The following COL23A1 variants were observed in gnomAD, a reference collection of about 807,000 sequenced individuals.
COL23A1 encodes collagen alpha-1(XXIII) chain.
COL23A1 carries 97 observed loss-of-function variants against 99.3 expected under a neutral mutation model. The observed-to-expected ratio is 0.98, with a 90% CI of 0.83 to 1.16. The LOEUF is 1.16. Ranked by LOEUF, COL23A1 falls within the 50% of genes most tolerant of loss-of-function variation. The probability of loss-of-function intolerance (pLI) is 0.00; values close to 1 mark genes in which losing one functional copy is unlikely to be tolerated. For synonymous variants in COL23A1, 320 were observed against 308.2 expected (o/e 1.04, Z -0.40); for missense variants, 762 against 757.4 (o/e 1.01, Z -0.07).
chr5:178,333,444 G>T (rs1032294877), intron 2 of COL23A1, among the ~76,000 whole-genome samples: 3 of 152,022 alleles, frequency 2.0e-5, no homozygotes, highest in African/African-American at 7.2e-5. Context: ...TGCATGCAGG[G>T]ACCCACAGTT....
intron 2 of COL23A1, among the ~76,000 whole-genome samples, chr5:178,330,830 T>C (rs1177844322): frequency 6.6e-6 from 1 of 152,212 alleles, no homozygotes; most frequent in African/African-American, 2.4e-5. Flanking sequence ...AGGTGGGCTC[T>C]GTGCCTGGGA....
chr5:178,337,081 C>G (rs1356779019), intron 2 of COL23A1, among the ~76,000 whole-genome samples: 1 of 152,204 alleles, frequency 6.6e-6, no homozygotes, highest in Non-Finnish European at 1.5e-5. Flanking sequence ...ATTCGATTTC[C>G]CATGGGAGGG....
chr5:178,532,087 C>G (rs547070892), intron 2 of COL23A1, among the ~76,000 whole-genome samples: 106 of 152,320 alleles, frequency 7.0e-4, no homozygotes, highest in African/African-American at 2.5e-3. Flanking sequence ...CCGACGTGGG[C>G]AGAGCTCACT....
At chr5:178,423,572 C>T (rs72822893) in intron 2 of COL23A1, among the ~76,000 whole-genome samples, 1,768 of 152,236 alleles carry the variant, frequency 0.012, 14 homozygotes, top group Non-Finnish European at 0.016. Flanking sequence ...TCTTCCACCT[C>T]GGATGGGTGG....
intron 3 of COL23A1, among the ~76,000 whole-genome samples, chr5:178,297,326 G>C (rs1418371839): frequency 6.6e-6 from 1 of 152,222 alleles, no homozygotes; most frequent in African/African-American, 2.4e-5. Context: ...TTAGAGACCA[G>C]CTTGGCCAAC....
intron 2 of COL23A1, among the ~76,000 whole-genome samples, chr5:178,344,579 G>T (rs1241022260): frequency 6.6e-6 from 1 of 152,064 alleles, no homozygotes. Context: ...GGAGGCGGAG[G>T]TTGCAGTGAG....
Position 178,238,560 on chromosome 5 carries a change from TG to T in COL23A1, c.*137del. The T allele has an allele frequency of 8.5e-7, 1 of 1,173,590 alleles. No individual in the cohort carries two copies. Among genetic ancestry groups the T allele is most frequent in the Non-Finnish European group, 1.2e-6 (1 of 805,158 alleles). 72.7% of individuals were successfully genotyped at this position (1,173,590 alleles called of 1,614,324 possible). ...CTTCACATGCCGGTGGCTTTGGGGC[TG>T]GGTGGGCATACTCTTGAATGTTAAA... On this transcript the variant is annotated 3_prime_UTR_variant, in exon 29 of 29. Coordinates refer to ENST00000390654, the MANE Select transcript of COL23A1 (RefSeq NM_173465.4).
Position 178,248,256 on chromosome 5 carries a change from T to A in COL23A1, c.1150-2A>T, listed in dbSNP as rs1314948468. On this transcript the variant is annotated splice_acceptor_variant, in intron 19 of 28. Coordinates refer to ENST00000390654, the MANE Select transcript of COL23A1 (RefSeq NM_173465.4). LOFTEE classifies it high-confidence loss of function. ...CTCCCCCTTGAGGCCGTCAGCGCCCTGCAGGACGGCAATGGCCTGTGAGTC... is the reference window on the plus strand; with the variant it reads ...CTCCCCCTTGAGGCCGTCAGCGCCCAGCAGGACGGCAATGGCCTGTGAGTC... The A allele has an allele frequency of 4.3e-6, 7 of 1,610,800 alleles. No homozygotes were observed. The highest frequency in any genetic ancestry group is 5.9e-6 in the Non-Finnish European group (7 of 1,177,532).
intron 2 of COL23A1, among the ~76,000 whole-genome samples, chr5:178,386,960 C>A (rs541693449): frequency 2.0e-5 from 3 of 152,090 alleles, no homozygotes; most frequent in Non-Finnish European, 4.4e-5. Flanking sequence ...CAATATTGCA[C>A]TATTAGGATG....
intron 2 of COL23A1, among the ~76,000 whole-genome samples, chr5:178,480,911 T>C (rs1045928940): frequency 2.1e-4 from 32 of 152,004 alleles, no homozygotes; most frequent in African/African-American, 5.3e-4. Context: ...TTTAGGAGGC[T>C]GAGGTGGGAG....
At chr5:178,248,874 A>C (rs1764859205) in intron 19 of COL23A1, among the ~76,000 whole-genome samples, 1 of 152,216 alleles carries the variant, frequency 6.6e-6, no homozygotes, top group South Asian at 2.1e-4. Context: ...TCCCATGGCC[A>C]CAGCTCCTGA....
rs78979108 is a variant in COL23A1, at chr5:178,475,476, A to G, written c.361+85206T>C. ...CTGAGCCCCTGTGCCTATACTCCTG[A>G]CTCTCAGAAACTACAAGATAATAAA... On this transcript the variant is annotated intron_variant, in intron 2 of 28. Transcript: ENST00000390654. Among the ~76,000 whole-genome samples the G allele has an allele frequency of 3.4e-3, 522 of 152,106 alleles. 4 individuals carry two copies. The highest frequency in any genetic ancestry group is 0.012 in the African/African-American group (497 of 41,480).
chr5:178,354,997 G>T (rs1471470555), intron 2 of COL23A1, among the ~76,000 whole-genome samples: 2 of 151,456 alleles, frequency 1.3e-5, no homozygotes, highest in Non-Finnish European at 2.9e-5. Flanking sequence ...GGCGGAGGTT[G>T]CAGTGAGTGG....
At chr5:178,240,654 C>G (rs1764346319) in intron 27 of COL23A1, among the ~76,000 whole-genome samples, 1 of 152,224 alleles carries the variant, frequency 6.6e-6, no homozygotes, top group Non-Finnish European at 1.5e-5. Flanking sequence ...GTGCGCTGAC[C>G]ACTTCGCTCT....
intron 1 of COL23A1, among the ~76,000 whole-genome samples, chr5:178,588,088 C>T (rs1764090727): frequency 1.3e-5 from 2 of 152,182 alleles, no homozygotes; most frequent in Admixed American, 1.3e-4. Flanking sequence ...ACAGGGTTCC[C>T]TGGATTCTAA....
intron 2 of COL23A1, among the ~76,000 whole-genome samples, chr5:178,408,720 G>A (rs540878645): frequency 4.6e-5 from 7 of 151,942 alleles, no homozygotes; most frequent in Admixed American, 3.9e-4. Context: ...TTTGGGAGGC[G>A]GAGGCAGGCA....
intron 2 of COL23A1, among the ~76,000 whole-genome samples, chr5:178,503,138 T>C (rs1581518818): frequency 6.6e-6 from 1 of 152,296 alleles, no homozygotes. Context: ...TCCCAGCACT[T>C]TGGGAGGCCG....
At chr5:178,249,047 C>T (rs967446672) in intron 19 of COL23A1, 70 bp downstream of exon 19, 31 of 1,504,100 alleles carry the variant, frequency 2.1e-5, no homozygotes, top group Admixed American at 6.7e-5. Context: ...CCCCACAGCA[C>T]GGGGGGCACA....
chr5:178,247,425 A>G, intron 22 of COL23A1, 101 bp downstream of exon 22: 1 of 1,352,384 alleles, frequency 7.4e-7, no homozygotes, highest in Non-Finnish European at 1.1e-6. Context: ...GGGATGGGCC[A>G]GGGCGGAGCG....
Sources: allele counts gnomAD v4.1 joint callset (sites outside exome capture counted in the v4.1 genomes callset), GRCh38; gene constraint gnomAD v4.1.1; transcripts MANE v1.5; gene names NCBI Gene and HGNC (gene_info 2026-07-23, HGNC 2026-07-21).